Variants in NAALADL2 observed in about 807,000 individuals in gnomAD.
NAALADL2 encodes the protein inactive N-acetylated-alpha-linked acidic dipeptidase-like protein 2.
In NAALADL2, 76 loss-of-function variants were observed where a neutral mutation model predicts 87.2. The observed-to-expected ratio is 0.87, with a 90% CI of 0.72 to 1.05. The LOEUF (loss-of-function observed/expected upper bound fraction) is 1.05, where lower values mean the gene tolerates loss of function less well. Ranked by LOEUF, NAALADL2 falls within the 50% of genes least tolerant of loss-of-function variation. NAALADL2 has a pLI of 0.00. For synonymous variants in NAALADL2, 354 were observed against 331.0 expected, an observed-to-expected ratio of 1.07 and a Z score of -0.75; for missense variants, 1,089 against 945.8, an observed-to-expected ratio of 1.15 and a Z score of -1.99.
At chr3:175,152,871 C>T (rs993777521) in intron 2 of NAALADL2, among the ~76,000 whole-genome samples, 1 of 151,806 alleles carries the variant, frequency 6.6e-6, no homozygotes, top group African/African-American at 2.4e-5. Flanking sequence ...CATGCCACTG[C>T]ACTCCAGTCT....
At chr3:175,618,672 G>A (rs1235899976) in intron 10 of NAALADL2, among the ~76,000 whole-genome samples, 1 of 152,090 alleles carries the variant, frequency 6.6e-6, no homozygotes, top group African/African-American at 2.4e-5. Flanking sequence ...AGGATGGAGG[G>A]AGAGAGAGAA....
chr3:175,607,506 T>C (rs1723932373), intron 10 of NAALADL2, among the ~76,000 whole-genome samples: 1 of 151,706 alleles, frequency 6.6e-6, no homozygotes, highest in African/African-American at 2.4e-5. Context: ...TAATCTCTAT[T>C]TTATGGGCAA....
intron 1 of NAALADL2, among the ~76,000 whole-genome samples, chr3:174,994,726 C>T (rs775763692): frequency 6.6e-6 from 1 of 152,100 alleles, no homozygotes; most frequent in African/African-American, 2.4e-5. Context: ...AGAAGAAAAT[C>T]TGTGATTTCA....
intron 1 of NAALADL2, among the ~76,000 whole-genome samples, chr3:175,084,827 T>TA (rs1474047565): frequency 1.3e-5 from 2 of 152,140 alleles, no homozygotes; most frequent in South Asian, 2.1e-4. Flanking sequence ...TTAAAGGTAA[T>TA]TAAAAATCAC....
chr3:174,468,601 G>A (rs1437626943), intron 1 of NAALADL2, among the ~76,000 whole-genome samples: 3 of 151,390 alleles, frequency 2.0e-5, no homozygotes, highest in Non-Finnish European at 4.4e-5. Context: ...GGCTGATCTC[G>A]AACTCCTGAC....
chr3:174,565,070 A>G (rs775341792), intron 2 of NAALADL2, among the ~76,000 whole-genome samples: 4 of 152,034 alleles, frequency 2.6e-5, no homozygotes, highest in Non-Finnish European at 5.9e-5. Context: ...GGGTTTGCAT[A>G]TACACCCTCA....
At chr3:175,282,122 A>T (rs1019387792) in intron 4 of NAALADL2, among the ~76,000 whole-genome samples, 5 of 152,084 alleles carry the variant, frequency 3.3e-5, no homozygotes, top group Non-Finnish European at 5.9e-5. Flanking sequence ...ATACTACCAG[A>T]TAGTAAAAAT....
chr3:174,713,767 G>T (rs1368935644), intron 2 of NAALADL2, among the ~76,000 whole-genome samples: 1 of 151,598 alleles, frequency 6.6e-6, no homozygotes, highest in Non-Finnish European at 1.5e-5. Flanking sequence ...TCACTCTGAT[G>T]GTAGTTTCTT....
At chr3:174,949,071 A>G (rs1440369642) in intron 1 of NAALADL2, among the ~76,000 whole-genome samples, 3 of 152,104 alleles carry the variant, frequency 2.0e-5, no homozygotes, top group African/African-American at 7.2e-5. Context: ...AATTCCTTTT[A>G]TGAGTTCTCT....
chr3:174,738,003 T>G (rs561179326), intron 3 of NAALADL2, among the ~76,000 whole-genome samples: 4 of 152,324 alleles, frequency 2.6e-5, no homozygotes, highest in Admixed American at 2.6e-4. Context: ...ATTGGTACAG[T>G]CTTCTTGTCT....
chr3:174,481,198 G>C (rs1360344835), intron 1 of NAALADL2, among the ~76,000 whole-genome samples: 1 of 152,068 alleles, frequency 6.6e-6, no homozygotes, highest in African/African-American at 2.4e-5. Context: ...ATGGTGTTCA[G>C]GAGTAGAGGA....
intron 13 of NAALADL2, among the ~76,000 whole-genome samples, chr3:175,799,957 C>T (rs889683513): frequency 1.1e-4 from 16 of 152,114 alleles, no homozygotes; most frequent in African/African-American, 3.9e-4. Flanking sequence ...GAAGTAGAGA[C>T]AAAATTTTCC....
chr3:175,511,634 A>G (rs768403358), intron 9 of NAALADL2, among the ~76,000 whole-genome samples: 1 of 152,200 alleles, frequency 6.6e-6, no homozygotes, highest in African/African-American at 2.4e-5. Context: ...GCCATGGCAA[A>G]TAAATACAGA....
chr3:174,463,079 AAAAC>A (rs1716308082), intron 1 of NAALADL2, among the ~76,000 whole-genome samples: 1 of 152,214 alleles, frequency 6.6e-6, no homozygotes, highest in African/African-American at 2.4e-5. Context: ...AATGCTATGT[AAAAC>A]AAACCATTGT....
At chr3:175,387,944 G>A (rs959810921) in intron 5 of NAALADL2, among the ~76,000 whole-genome samples, 1 of 152,028 alleles carries the variant, frequency 6.6e-6, no homozygotes, top group Non-Finnish European at 1.5e-5. Flanking sequence ...CTGATTGACA[G>A]TTAATATTGT....
intron 5 of NAALADL2, among the ~76,000 whole-genome samples, chr3:175,428,416 C>T (rs1416476043): frequency 6.6e-6 from 1 of 152,102 alleles, no homozygotes; most frequent in Admixed American, 6.6e-5. Flanking sequence ...GAATCACCTA[C>T]TCCTGTTTGT....
chr3:175,404,283 C>T (rs1711891514), intron 5 of NAALADL2, among the ~76,000 whole-genome samples: 1 of 152,094 alleles, frequency 6.6e-6, no homozygotes, highest in African/African-American at 2.4e-5. Context: ...AATAGCATGA[C>T]CTCCCAGGTC....
chr3:174,694,330 G>A (rs1338402620), intron 2 of NAALADL2, among the ~76,000 whole-genome samples: 1 of 152,000 alleles, frequency 6.6e-6, no homozygotes, highest in East Asian at 1.9e-4. Flanking sequence ...TGTTCCTAGA[G>A]GGTCATAGAT....
chr3:175,417,022 G>A (rs1383001418), intron 5 of NAALADL2, among the ~76,000 whole-genome samples: 6 of 148,870 alleles, frequency 4.0e-5, no homozygotes, highest in African/African-American at 1.5e-4. Context: ...AATTGTTTAT[G>A]ATATATTTAA....
Sources: allele counts gnomAD v4.1 joint callset (sites outside exome capture counted in the v4.1 genomes callset), GRCh38; gene constraint gnomAD v4.1.1; transcripts MANE v1.5; gene names NCBI Gene and HGNC (gene_info 2026-07-23, HGNC 2026-07-21).